Variants in STPG2 observed in about 807,000 individuals in gnomAD.
The protein encoded by STPG2 is sperm tail PG-rich repeat containing 2.
STPG2 carries 56 observed loss-of-function variants against 54.2 expected under a neutral mutation model. The ratio of observed to expected loss-of-function variants is 1.03; its 90% CI spans 0.83 to 1.29. The LOEUF (loss-of-function observed/expected upper bound fraction) is 1.29. STPG2 is among the 50% of genes most tolerant of loss of function. The probability of loss-of-function intolerance (pLI) is 0.00; values close to 1 mark genes in which losing one functional copy is unlikely to be tolerated. For missense variants in STPG2, 596 were observed against 544.9 expected (o/e 1.09, Z -0.93); for synonymous variants, 200 against 181.8 (o/e 1.10, Z -0.81).
At chr4:97,485,097 A>T (rs1730320528) in intron 4 of STPG2, among the ~76,000 whole-genome samples, 2 of 151,990 alleles carry the variant, frequency 1.3e-5, no homozygotes, top group Admixed American at 1.3e-4. Context: ...CACAGCCAAC[A>T]TAATATTGAA....
At chr4:97,596,066 G>A (rs937709607) in intron 10 of STPG2, among the ~76,000 whole-genome samples, 1 of 152,038 alleles carries the variant, frequency 6.6e-6, no homozygotes, top group Non-Finnish European at 1.5e-5. Flanking sequence ...GTAAATATAT[G>A]AAGAAAAATC....
chr4:97,467,856 T>G (rs1223043852), intron 4 of STPG2, among the ~76,000 whole-genome samples: 1 of 151,572 alleles, frequency 6.6e-6, no homozygotes, highest in East Asian at 1.9e-4. Context: ...TTTTTTTTTT[T>G]TTAAGATGGG....
At chr4:97,858,163 T>C (rs1345413227) in intron 8 of STPG2, among the ~76,000 whole-genome samples, 1 of 152,008 alleles carries the variant, frequency 6.6e-6, no homozygotes, top group African/African-American at 2.4e-5. Context: ...TTTCCAAATC[T>C]AGAGGAGATA....
At chr4:97,723,891 C>G (rs1379994810) in intron 9 of STPG2, among the ~76,000 whole-genome samples, 1 of 152,170 alleles carries the variant, frequency 6.6e-6, no homozygotes, top group Non-Finnish European at 1.5e-5. Flanking sequence ...ATGATCCAAT[C>G]ACCTCCAACC....
chr4:98,023,198 G>T (rs1276098749), intron 5 of STPG2, among the ~76,000 whole-genome samples: 1 of 152,120 alleles, frequency 6.6e-6, no homozygotes, highest in Non-Finnish European at 1.5e-5. Context: ...TGTTTTTGGG[G>T]TGGATGTCCT....
intron 8 of STPG2, among the ~76,000 whole-genome samples, chr4:97,896,661 T>A (rs1217256680): frequency 6.6e-6 from 1 of 151,790 alleles, no homozygotes; most frequent in South Asian, 2.1e-4. Context: ...GAGAGTTGAA[T>A]TATGGGACAT....
At chr4:97,505,180 G>A (rs972050712) in intron 4 of STPG2, among the ~76,000 whole-genome samples, 2 of 151,914 alleles carry the variant, frequency 1.3e-5, no homozygotes, top group African/African-American at 2.4e-5. Context: ...ATGTGAAGGA[G>A]CTAATGCTTT....
At chr4:97,449,133 A>G (rs1729301603) in intron 4 of STPG2, among the ~76,000 whole-genome samples, 2 of 152,142 alleles carry the variant, frequency 1.3e-5, no homozygotes, top group Non-Finnish European at 2.9e-5. Flanking sequence ...CATATTAAAT[A>G]TTCTTCTAAA....
intron 7 of STPG2, among the ~76,000 whole-genome samples, chr4:97,957,536 G>A (rs1489887993): frequency 6.6e-6 from 1 of 152,072 alleles, no homozygotes; most frequent in Non-Finnish European, 1.5e-5. Context: ...CCTTGCTAAA[G>A]ACCTAGACAT....
At chr4:97,675,384 T>C (rs2148972932) in intron 10 of STPG2, among the ~76,000 whole-genome samples, 1 of 152,244 alleles carries the variant, frequency 6.6e-6, no homozygotes. Flanking sequence ...AGCCTGAAAC[T>C]TCATAAAAAT....
chr4:97,464,724 C>T (rs1217448245), intron 4 of STPG2, among the ~76,000 whole-genome samples: 1 of 152,102 alleles, frequency 6.6e-6, no homozygotes, highest in Non-Finnish European at 1.5e-5. Flanking sequence ...TTGCCTGGTA[C>T]ATGTCACCAT....
At chr4:97,949,054 T>C (rs1330237272) in intron 7 of STPG2, among the ~76,000 whole-genome samples, 2 of 152,124 alleles carry the variant, frequency 1.3e-5, no homozygotes, top group Non-Finnish European at 2.9e-5. Context: ...TCTCCTCTCT[T>C]AAGTCAAGTA....
rs1020246882 is a variant in STPG2 at position 98,065,607 on chromosome 4, C to T, written c.612+40346G>A. Among the ~76,000 whole-genome samples, 11 of 152,208 alleles carry T rather than the reference C, an allele frequency of 7.2e-5. No homozygotes were observed. In the East Asian group the frequency reaches 9.7e-4, roughly 13 times the overall value. On this transcript the variant is annotated intron_variant, in intron 5 of 10. Coordinates refer to ENST00000295268, the MANE Select transcript of STPG2 (RefSeq NM_174952.3). ...CAAAATTGACTTCTGTTTGAATTAG[C>T]GAGGAGCCAGACTCACTCTTTTCAA...
intron 10 of STPG2, 136 bp from the exon 11 acceptor site, chr4:97,559,253 T>C (rs1732160492): frequency 5.0e-6 from 3 of 596,474 alleles, no homozygotes; most frequent in Admixed American, 3.4e-5. Context: ...TGATATAATC[T>C]ACTTACATCG....
intron 7 of STPG2, among the ~76,000 whole-genome samples, chr4:97,948,189 G>A (rs1263432755): frequency 2.0e-5 from 3 of 151,926 alleles, no homozygotes; most frequent in African/African-American, 7.2e-5. Flanking sequence ...TAGGTTGTGT[G>A]CATAGTTTGT....
intron 10 of STPG2, among the ~76,000 whole-genome samples, chr4:97,573,875 G>A (rs1732658611): frequency 6.6e-6 from 1 of 152,046 alleles, no homozygotes; most frequent in African/African-American, 2.4e-5. Context: ...AATATTAAAA[G>A]CTGATAGAGC....
intron 5 of STPG2, among the ~76,000 whole-genome samples, chr4:98,045,102 GA>G (rs35130632): frequency 0.41 from 58,481 of 144,122 alleles, 11,708 homozygotes; most frequent in African/African-American, 0.47. Flanking sequence ...ACTTTAAAAG[GA>G]AAAAAAAAAA....
chr4:97,767,199 T>C (rs1726082217), intron 9 of STPG2, among the ~76,000 whole-genome samples: 1 of 152,152 alleles, frequency 6.6e-6, no homozygotes, highest in African/African-American at 2.4e-5. Context: ...ACCAATTATG[T>C]TTATTTTTCT....
chr4:97,546,924 T>C (rs772130169), intron 4 of STPG2, among the ~76,000 whole-genome samples: 1 of 152,138 alleles, frequency 6.6e-6, no homozygotes, highest in Non-Finnish European at 1.5e-5. Flanking sequence ...TATGAGTATA[T>C]GATGCAATAA....
Sources: gnomAD v4.1 joint callset for allele counts (sites outside exome capture counted in the v4.1 genomes callset) on GRCh38, gnomAD v4.1.1 for gene constraint, MANE v1.5 for transcripts, NCBI Gene and HGNC (gene_info 2026-07-23, HGNC 2026-07-21) for gene names.